The following CBL variants were observed in gnomAD, a reference collection of about 807,000 sequenced individuals.
CBL encodes the protein E3 ubiquitin-protein ligase CBL.
A neutral mutation model predicts 96.9 loss-of-function variants in CBL; 45 were observed. The ratio of observed to expected loss-of-function variants is 0.46; its 90% CI spans 0.37 to 0.60. The LOEUF (loss-of-function observed/expected upper bound fraction) is 0.60, where lower values mean the gene tolerates loss of function less well. CBL is among the 20% of genes least tolerant of loss of function. The pLI is 0.00. For synonymous variants in CBL, 420 were observed against 426.8 expected (o/e 0.98, Z 0.20); for missense variants, 1,024 against 1,143.5 (o/e 0.90, Z 1.51).
intron 13 of CBL, 28 bp downstream of exon 13, chr11:119,297,062 C>T (rs1314008826): frequency 8.4e-7 from 1 of 1,187,674 alleles, no homozygotes; most frequent in East Asian, 2.3e-5. Flanking sequence ...CTTTTTGGGC[C>T]CTATACCTTT....
rs752260506 is a variant in CBL, at chr11:119,285,360, C to T, written c.1735C>T (p.Pro579Ser). 5.0e-6 allele frequency: 8 copies of T among 1,614,020 alleles called. No individual in the cohort carries two copies. Among genetic ancestry groups the T allele is most frequent in the African/African-American group, 1.3e-5 (1 of 74,926 alleles). Reference sequence around the variant, plus strand: ...CGACTGTCCCTCCAGAGACAAACTGCCCCCTGTCCCCTCTAGCCGCCTTGG... The same window carrying T: ...CGACTGTCCCTCCAGAGACAAACTGTCCCCTGTCCCCTCTAGCCGCCTTGG... ...PGDCPSRDKL[P>S]PVPSSRLGDS... is the part of the protein sequence containing the mutation. The change falls in exon 11 of 16, where the codon CCC becomes TCC. Residue 579 changes from proline to serine, a missense_variant. Coordinates refer to ENST00000264033, the MANE Select transcript of CBL (RefSeq NM_005188.4).
chr11:119,278,030 T>C, intron 7 of CBL, 136 bp from the exon 8 acceptor site: 3 of 921,054 alleles, frequency 3.3e-6, no homozygotes, highest in East Asian at 2.6e-5. Flanking sequence ...TCTGGTTTAA[T>C]AAAAAATAAA....
Position 119,241,932 on chromosome 11 carries a change from G to T in CBL, c.443+9237G>T, listed in dbSNP as rs762710136. ...AATGAATTGGATAGATTTCTAGTTT[G>T]AGCAACTGGATAGATAGTGCAATGG... On this transcript the variant is annotated intron_variant, in intron 2 of 15. Coordinates refer to ENST00000264033, the MANE Select transcript of CBL (RefSeq NM_005188.4). Among the ~76,000 whole-genome samples, 11 of 152,312 alleles carry T rather than the reference G, an allele frequency of 7.2e-5. No individual in the cohort carries two copies. In the South Asian group the frequency reaches 1.7e-3, roughly 23 times the overall value.
chr11:119,216,671 C>T (rs1032952567), intron 1 of CBL, among the ~76,000 whole-genome samples: 1 of 152,036 alleles, frequency 6.6e-6, no homozygotes, highest in East Asian at 1.9e-4. Context: ...CGACCAGCCT[C>T]TTGGACTTAT....
chr11:119,266,032 A>AAAAAAAAAAAAAG (rs1213584463), intron 2 of CBL, among the ~76,000 whole-genome samples: 14 of 148,936 alleles, frequency 9.4e-5, no homozygotes, highest in Admixed American at 2.0e-4. Flanking sequence ...AAAAAAAAAA[A>AAAAAAAAAAAAAG]AAAGAAAGAA....
chr11:119,273,586 T>C (rs1465464910), intron 3 of CBL, among the ~76,000 whole-genome samples: 1 of 152,148 alleles, frequency 6.6e-6, no homozygotes, highest in Non-Finnish European at 1.5e-5. Context: ...TTTGTTTGTT[T>C]GTTTGTTTTT....
intron 2 of CBL, among the ~76,000 whole-genome samples, chr11:119,249,650 G>T (rs1204952853): frequency 6.7e-6 from 1 of 148,942 alleles, no homozygotes; most frequent in Non-Finnish European, 1.5e-5. Context: ...TTTTGGTACA[G>T]TTTCTTTCTT....
chr11:119,237,698 G>A (rs562158543), intron 2 of CBL, among the ~76,000 whole-genome samples: 1 of 152,178 alleles, frequency 6.6e-6, no homozygotes, highest in African/African-American at 2.4e-5. Flanking sequence ...GACCATAAGT[G>A]TAAGGGTTTA....
intron 12 of CBL, among the ~76,000 whole-genome samples, chr11:119,288,575 C>T (rs1950002486): frequency 6.6e-6 from 1 of 152,108 alleles, no homozygotes; most frequent in Non-Finnish European, 1.5e-5. Flanking sequence ...TTCATTCAAC[C>T]TTAATTACAT....
chr11:119,283,176 C>G (rs148174306), intron 9 of CBL, among the ~76,000 whole-genome samples: 1 of 152,298 alleles, frequency 6.6e-6, no homozygotes, highest in African/African-American at 2.4e-5. Flanking sequence ...GAAAAATCAG[C>G]AGGATATAGC....
chr11:119,211,438 A>G (rs1476124073), intron 1 of CBL, among the ~76,000 whole-genome samples: 1 of 152,084 alleles, frequency 6.6e-6, no homozygotes, highest in Non-Finnish European at 1.5e-5. Flanking sequence ...ATACGGGGAG[A>G]TACTGTATTT....
At chr11:119,297,571 C>A in intron 14 of CBL, 90 bp downstream of exon 14, 1 of 961,758 alleles carries the variant, frequency 1.0e-6, no homozygotes, top group Non-Finnish European at 1.7e-6. Flanking sequence ...TTGATCTAAG[C>A]TCAAAATTCT....
rs759022283 is a variant in CBL at position 119,306,016 on chromosome 11, G to A, written c.*6235G>A. The A allele has an allele frequency of 5.7e-5, 20 of 351,044 alleles. No individual in the cohort carries two copies. The highest frequency in any genetic ancestry group is 9.7e-5 in the Non-Finnish European group (19 of 195,764). 21.7% of individuals were successfully genotyped at this position (351,044 alleles called of 1,614,324 possible). A position where few individuals can be genotyped will look rare whatever the true frequency, so the allele number is the denominator to read the frequency against. On this transcript the variant is annotated 3_prime_UTR_variant, in exon 16 of 16. Transcript: ENST00000264033. ...AGTTAAGCAGCAGAGGGACAGCAGT[G>A]CCATGTGCCTTCACTGTGTCCCAGG...
intron 1 of CBL, 113 bp from the exon 2 acceptor site, chr11:119,232,335 G>A: frequency 2.6e-6 from 3 of 1,174,192 alleles, no homozygotes; most frequent in Non-Finnish European, 3.7e-6. Context: ...ATATTCTCAT[G>A]TATTTTTCAT....
intron 9 of CBL, among the ~76,000 whole-genome samples, chr11:119,281,138 C>T (rs1271396092): frequency 1.3e-5 from 2 of 152,174 alleles, no homozygotes; most frequent in Non-Finnish European, 2.9e-5. Flanking sequence ...TGTTCCGCTC[C>T]AGTCTGCTCC....
At chr11:119,237,392 T>C (rs1949553988) in intron 2 of CBL, among the ~76,000 whole-genome samples, 1 of 152,226 alleles carries the variant, frequency 6.6e-6, no homozygotes, top group African/African-American at 2.4e-5. Context: ...ACAGTATGCC[T>C]TGAATCACAA....
chr11:119,248,850 T>C (rs1949650583), intron 2 of CBL, among the ~76,000 whole-genome samples: 1 of 152,200 alleles, frequency 6.6e-6, no homozygotes, highest in Non-Finnish European at 1.5e-5. Context: ...AGAGAAGATA[T>C]ACAGCTGTCC....
intron 2 of CBL, among the ~76,000 whole-genome samples, chr11:119,243,649 A>G (rs759484777): frequency 7.9e-5 from 12 of 152,192 alleles, no homozygotes; most frequent in Non-Finnish European, 1.5e-4. Flanking sequence ...CCTAGAAAGA[A>G]TGATACCAAA....
intron 2 of CBL, among the ~76,000 whole-genome samples, chr11:119,257,223 ATAAC>A (rs1476875714): frequency 5.3e-5 from 8 of 152,268 alleles, no homozygotes; most frequent in Non-Finnish European, 1.2e-4. Context: ...AAATGAACAA[ATAAC>A]TAAATGAAGC....
Sources: gnomAD v4.1 joint callset for allele counts (sites outside exome capture counted in the v4.1 genomes callset) on GRCh38, gnomAD v4.1.1 for gene constraint, MANE v1.5 for transcripts, NCBI Gene and HGNC (gene_info 2026-07-23, HGNC 2026-07-21) for gene names.